The following NPSR1 variants were observed in gnomAD, a reference collection of about 807,000 sequenced individuals.
NPSR1 encodes the protein neuropeptide S receptor 1, also known as neuropeptide S receptor.
In NPSR1, 48 loss-of-function variants were observed where a neutral mutation model predicts 46.9. The ratio of observed to expected loss-of-function variants is 1.02; its 90% confidence interval spans 0.81 to 1.30. The LOEUF (loss-of-function observed/expected upper bound fraction) is 1.30, where lower values mean the gene tolerates loss of function less well. NPSR1 is among the 50% of genes most tolerant of loss of function. The pLI is 0.00. For missense variants in NPSR1, 450 were observed against 449.5 expected, an observed-to-expected ratio of 1.00 and a Z score of -0.01; for synonymous variants, 176 against 168.1, an observed-to-expected ratio of 1.05 and a Z score of -0.36.
chr7:34,799,565 A>T (rs1284373106), intron 3 of NPSR1, among the ~76,000 whole-genome samples: 1 of 150,894 alleles, frequency 6.6e-6, no homozygotes, highest in Non-Finnish European at 1.5e-5. Flanking sequence ...TCCTGAAGGA[A>T]GCACTAAACA....
At chr7:34,733,874 G>A (rs1323440132) in intron 2 of NPSR1, among the ~76,000 whole-genome samples, 3 of 152,124 alleles carry the variant, frequency 2.0e-5, no homozygotes, top group Admixed American at 6.6e-5. Context: ...TACGAATGCC[G>A]AGGACTACTT....
rs958036775 is a variant in NPSR1 at position 34,691,684 on chromosome 7, C to T, written c.280+7000C>T. Among the ~76,000 whole-genome samples, 7 of 152,040 alleles carry T rather than the reference C, an allele frequency of 4.6e-5. No homozygotes were observed. The South Asian group carries it at 8.3e-4, about 18-fold the overall frequency. On this transcript the variant is annotated intron_variant, in intron 2 of 8. Coordinates refer to ENST00000360581, the MANE Select transcript of NPSR1 (RefSeq NM_207172.2). ...AGATTGAACTATTGTAAAGTATACA[C>T]GACCAACACTGGAGAGCCCAGATTT...
intron 8 of NPSR1, among the ~76,000 whole-genome samples, chr7:34,873,543 G>A (rs1225143110): frequency 6.6e-6 from 1 of 151,740 alleles, no homozygotes; most frequent in African/African-American, 2.4e-5. Context: ...AGGTGAAGGA[G>A]GAGCCAATGT....
At chr7:34,790,139 AT>A (rs1787661330) in intron 3 of NPSR1, among the ~76,000 whole-genome samples, 1 of 152,102 alleles carries the variant, frequency 6.6e-6, no homozygotes, top group Non-Finnish European at 1.5e-5. Context: ...ACTAGCAAAC[AT>A]ATTTCAATAG....
intron 6 of NPSR1, 58 bp from the exon 7 acceptor site, chr7:34,844,838 A>G: frequency 9.2e-7 from 1 of 1,091,760 alleles, no homozygotes; most frequent in Non-Finnish European, 1.4e-6. Context: ...TATTGGCTGA[A>G]ACAGAAACTG....
At chr7:34,667,217 C>T (rs1791796334) in intron 1 of NPSR1, among the ~76,000 whole-genome samples, 1 of 152,216 alleles carries the variant, frequency 6.6e-6, no homozygotes, top group South Asian at 2.1e-4. Context: ...ACCTTCAGCA[C>T]ACCACAGGGC....
At chr7:34,869,868 C>T (rs1791409637) in intron 8 of NPSR1, among the ~76,000 whole-genome samples, 1 of 151,782 alleles carries the variant, frequency 6.6e-6, no homozygotes, top group South Asian at 2.1e-4. Context: ...GTGCACATCT[C>T]TTCCCTACTC....
At chr7:34,796,134 A>G (rs1788160084) in intron 3 of NPSR1, among the ~76,000 whole-genome samples, 1 of 152,192 alleles carries the variant, frequency 6.6e-6, no homozygotes, top group Non-Finnish European at 1.5e-5. Flanking sequence ...AAAGCAAAAT[A>G]CAATGGAGAA....
At chr7:34,764,737 C>A (rs191280655) in intron 2 of NPSR1, among the ~76,000 whole-genome samples, 12 of 152,300 alleles carry the variant, frequency 7.9e-5, no homozygotes, top group Admixed American at 7.8e-4. Context: ...ACACCAATAC[C>A]ATTGGAAGTC....
In NPSR1 at chr7:34,658,306, C is replaced by T; in HGVS notation, c.-107C>T. 2 of 1,271,776 alleles carry T rather than the reference C, an allele frequency of 1.6e-6. No homozygotes were observed. The highest frequency in any genetic ancestry group is 2.0e-5 in the Admixed American group (1 of 50,956). The allele number at this position is 1,271,776 out of a possible 1,614,324, so 78.8% of individuals were successfully genotyped here. The stretch of plus-strand genomic sequence containing the variant: ...AGGTGGGCTCAGGGAGGGCTCTGTG[C>T]CTCCGTTCAGCAGAGCTGCAGCTGC... On this transcript the variant is annotated 5_prime_UTR_variant, in exon 1 of 9. Coordinates refer to ENST00000360581, the MANE Select transcript of NPSR1 (RefSeq NM_207172.2).
chr7:34,693,946 C>A (rs113010083), intron 2 of NPSR1, among the ~76,000 whole-genome samples: 184 of 152,192 alleles, frequency 1.2e-3, no homozygotes, highest in African/African-American at 4.1e-3. Flanking sequence ...TCAATAAAAT[C>A]CAACATCTTT....
intron 2 of NPSR1, among the ~76,000 whole-genome samples, chr7:34,727,790 A>T (rs893309554): frequency 1.3e-5 from 2 of 152,212 alleles, no homozygotes; most frequent in Non-Finnish European, 2.9e-5. Context: ...AAGGATTGGG[A>T]GCACCTCACC....
At chr7:34,811,542 G>A (rs1788986837) in intron 3 of NPSR1, among the ~76,000 whole-genome samples, 1 of 152,122 alleles carries the variant, frequency 6.6e-6, no homozygotes, top group South Asian at 2.1e-4. Flanking sequence ...TAAGACCACT[G>A]GTTTCCAGGC....
At chr7:34,686,931 A>G in intron 2 of NPSR1, among the ~76,000 whole-genome samples, 1 of 142,134 alleles carries the variant, frequency 7.0e-6, no homozygotes, top group South Asian at 2.3e-4. Context: ...ACTGCACTCC[A>G]GCCTGGGCGA....
At chr7:34,730,219 T>A (rs1015248671) in intron 2 of NPSR1, among the ~76,000 whole-genome samples, 1 of 152,182 alleles carries the variant, frequency 6.6e-6, no homozygotes. Flanking sequence ...ACAAATCAAA[T>A]ATATATAAGA....
chr7:34,710,338 A>G lies in NPSR1; in HGVS notation c.280+25654A>G, dbSNP rs34266021. Among the ~76,000 whole-genome samples the G allele has an allele frequency of 8.2e-3, 1,242 of 152,364 alleles. 20 individuals carry two copies. The highest frequency in any genetic ancestry group is 0.029 in the African/African-American group (1,201 of 41,586). ...GTGGCCTCCCTTTAGGGAAGAAAGCAGAGGAAAGGAGCAGAGGAATTATTT... is the reference window on the plus strand; with the variant it reads ...GTGGCCTCCCTTTAGGGAAGAAAGCGGAGGAAAGGAGCAGAGGAATTATTT... On this transcript the variant is annotated intron_variant, in intron 2 of 8. Coordinates refer to ENST00000360581, the MANE Select transcript of NPSR1 (RefSeq NM_207172.2).
chr7:34,749,111 A>C (rs1785371568), intron 2 of NPSR1, among the ~76,000 whole-genome samples: 1 of 152,138 alleles, frequency 6.6e-6, no homozygotes, highest in African/African-American at 2.4e-5. Context: ...CTTCTCCCAA[A>C]TAAATAATAC....
intron 1 of NPSR1, among the ~76,000 whole-genome samples, chr7:34,682,324 G>A (rs1030468782): frequency 3.3e-5 from 5 of 152,092 alleles, no homozygotes; most frequent in Non-Finnish European, 7.4e-5. Flanking sequence ...TACCTTACCT[G>A]CCAGGCCACC....
intron 4 of NPSR1, among the ~76,000 whole-genome samples, chr7:34,821,831 C>G (rs1440404483): frequency 1.3e-5 from 2 of 152,148 alleles, no homozygotes; most frequent in Non-Finnish European, 2.9e-5. Flanking sequence ...TTAAGAGAGG[C>G]TCAACATAAG....
Sources: gnomAD v4.1 joint callset for allele counts (sites outside exome capture counted in the v4.1 genomes callset) on GRCh38, gnomAD v4.1.1 for gene constraint, MANE v1.5 for transcripts, NCBI Gene and HGNC (gene_info 2026-07-23, HGNC 2026-07-21) for gene names.